The following DMBT1 variants were observed in gnomAD, a reference collection of about 807,000 sequenced individuals.
DMBT1 encodes deleted in malignant brain tumors 1.
Under a neutral mutation model 252.9 loss-of-function variants are expected in DMBT1, and 198 were observed. That is an observed-to-expected ratio of 0.78 (90% CI 0.70 to 0.88). The LOEUF (loss-of-function observed/expected upper bound fraction) is 0.88, where lower values mean the gene tolerates loss of function less well. Among genes scored for constraint, DMBT1 ranks in the 40% least tolerant of loss-of-function variants. The probability of loss-of-function intolerance (pLI) is 0.00; values close to 1 mark genes in which losing one functional copy is unlikely to be tolerated. For missense variants in DMBT1, 2,432 were observed against 2,404.7 expected (o/e 1.01, Z -0.24); for synonymous variants, 990 against 942.7 (o/e 1.05, Z -0.92).
chr10:122,577,830 A>G lies in DMBT1; in HGVS notation c.627A>G (p.Thr209=). 2.5e-6 allele frequency: 4 copies of G among 1,613,554 alleles called. 1 individual carries two copies. The South Asian group carries it at 3.3e-5, about 13-fold the overall frequency. ...VICSAAQPQS[T]LRPESWPVRI... ...TCACAGCTGCCCAGCCTCAGTCAACACTCAGGCCAGGTGAGTCCCCAGAAT... is the reference window on the plus strand; with the variant it reads ...TCACAGCTGCCCAGCCTCAGTCAACGCTCAGGCCAGGTGAGTCCCCAGAAT... The change falls in exon 8 of 56, where the codon ACA becomes ACG. Residue 209 remains threonine (T), a synonymous_variant. Coordinates refer to ENST00000338354, the MANE Select transcript of DMBT1 (RefSeq NM_001377530.1).
At chr10:122,630,887 T>C in intron 48 of DMBT1, 74 bp from the exon 49 acceptor site, 1 of 1,479,086 alleles carries the variant, frequency 6.8e-7, no homozygotes, top group Non-Finnish European at 9.2e-7. Context: ...TGTGGGATGC[T>C]TGGCCTTTGA....
At chr10:122,628,118 C>G (rs759939412) in intron 46 of DMBT1, among the ~76,000 whole-genome samples, 4 of 152,138 alleles carry the variant, frequency 2.6e-5, no homozygotes, top group African/African-American at 9.7e-5. Context: ...GGTGGCTCCT[C>G]GAAAGGTTAG....
chr10:122,619,883 T>C (rs182576242), intron 42 of DMBT1, among the ~76,000 whole-genome samples: 4 of 152,352 alleles, frequency 2.6e-5, no homozygotes, highest in Admixed American at 2.6e-4. Context: ...CCTCCACTTA[T>C]CAGGAAACTT....
intron 19 of DMBT1, 45 bp from the exon 20 acceptor site, chr10:122,592,227 A>G: frequency 6.3e-7 from 1 of 1,578,370 alleles, no homozygotes; most frequent in Non-Finnish European, 8.6e-7. Context: ...TTAGATCCTT[A>G]CCTCATGGTA....
At chr10:122,588,003 G>T (rs766962835) in intron 16 of DMBT1, among the ~76,000 whole-genome samples, 1 of 148,538 alleles carries the variant, frequency 6.7e-6, no homozygotes, top group African/African-American at 2.4e-5. Flanking sequence ...CACATGGGGA[G>T]CAAGTGGCAA....
intron 46 of DMBT1, among the ~76,000 whole-genome samples, chr10:122,627,144 A>T (rs1427421382): frequency 6.6e-6 from 1 of 152,250 alleles, no homozygotes; most frequent in Non-Finnish European, 1.5e-5. Flanking sequence ...GATCATGTTT[A>T]TCTTTTCTGC....
intron 47 of DMBT1, 48 bp downstream of exon 47, chr10:122,630,041 C>T (rs1347975032): frequency 1.2e-6 from 2 of 1,608,100 alleles, no homozygotes; most frequent in Non-Finnish European, 1.7e-6. Context: ...CTCTGCAGCA[C>T]ACCCACTGGT....
intron 39 of DMBT1, among the ~76,000 whole-genome samples, 193 bp from the exon 40 acceptor site, chr10:122,617,035 C>G: frequency 7.0e-6 from 1 of 143,756 alleles, no homozygotes; most frequent in South Asian, 2.4e-4. Context: ...AGGGCTCAGT[C>G]TGGTCTCCAG....
chr10:122,639,585 C>T (rs1044154598), intron 54 of DMBT1, among the ~76,000 whole-genome samples: 1 of 152,070 alleles, frequency 6.6e-6, no homozygotes, highest in Non-Finnish European at 1.5e-5. Flanking sequence ...AGGCAGGAAC[C>T]AGCCATTTTT....
At chr10:122,577,349 G>C (rs1264764040) in intron 7 of DMBT1, among the ~76,000 whole-genome samples, 1 of 152,192 alleles carries the variant, frequency 6.6e-6, no homozygotes, top group Non-Finnish European at 1.5e-5. Context: ...CATGGAAGTG[G>C]GGTAAGGGTG....
At chr10:122,564,245 G>T (rs951541317) in intron 1 of DMBT1, among the ~76,000 whole-genome samples, 1 of 152,176 alleles carries the variant, frequency 6.6e-6, no homozygotes, top group Admixed American at 6.5e-5. Flanking sequence ...TGGCCTGTTG[G>T]TTCCATTAGA....
At chr10:122,576,364 G>A in intron 6 of DMBT1, 35 bp from the exon 7 acceptor site, 1 of 1,607,646 alleles carries the variant, frequency 6.2e-7, no homozygotes, top group Non-Finnish European at 8.5e-7. Context: ...TGCCTCAGTA[G>A]GAATGTGCAA....
chr10:122,590,748 C>G, intron 18 of DMBT1, 54 bp downstream of exon 18: 1 of 1,565,090 alleles, frequency 6.4e-7, no homozygotes, highest in Admixed American at 1.7e-5. Context: ...GCACAATTAT[C>G]CTTTTTCCCA....
At chr10:122,627,620 A>T (rs994788670) in intron 46 of DMBT1, among the ~76,000 whole-genome samples, 1 of 152,244 alleles carries the variant, frequency 6.6e-6, no homozygotes, top group African/African-American at 2.4e-5. Flanking sequence ...ATACAATAGC[A>T]TATTTTATAA....
At chr10:122,642,961 T>G in intron 55 of DMBT1, among the ~76,000 whole-genome samples, 161 bp from the exon 56 acceptor site, 1 of 152,120 alleles carries the variant, frequency 6.6e-6, no homozygotes, top group Non-Finnish European at 1.5e-5. Flanking sequence ...TGCAGGCCCC[T>G]CAGTGAGTGT....
chr10:122,585,619 A>G (rs909393049), intron 15 of DMBT1, among the ~76,000 whole-genome samples: 1 of 148,668 alleles, frequency 6.7e-6, no homozygotes, highest in African/African-American at 2.4e-5. Context: ...CCCTCAGCCC[A>G]TGGGCTGCAG....
intron 2 of DMBT1, among the ~76,000 whole-genome samples, chr10:122,569,181 GT>G (rs111893924): frequency 0.015 from 2,210 of 152,168 alleles, 76 homozygotes; most frequent in East Asian, 0.13. Context: ...TCATGGAGTG[GT>G]TTTGATGAGC....
At chr10:122,630,583 G>T in intron 48 of DMBT1, 93 bp downstream of exon 48, 1 of 1,324,368 alleles carries the variant, frequency 7.6e-7, no homozygotes, top group Non-Finnish European at 1.1e-6. Context: ...AATCAAAGAA[G>T]GGCCTCAGCG....
intron 19 of DMBT1, 73 bp from the exon 20 acceptor site, chr10:122,592,199 C>A: frequency 6.4e-7 from 1 of 1,558,260 alleles, no homozygotes; most frequent in Non-Finnish European, 8.7e-7. Context: ...AGGAAGTACC[C>A]TGAGTGTGGA....
Sources: allele counts gnomAD v4.1 joint callset (sites outside exome capture counted in the v4.1 genomes callset), GRCh38; gene constraint gnomAD v4.1.1; transcripts MANE v1.5; gene names NCBI Gene and HGNC (gene_info 2026-07-23, HGNC 2026-07-21).